The following TMEM156 variants were observed in gnomAD, a reference collection of about 807,000 sequenced individuals.
TMEM156 encodes transmembrane protein 156.
TMEM156 carries 28 observed loss-of-function variants against 30.5 expected under a neutral mutation model. The ratio of observed to expected loss-of-function variants is 0.92; its 90% confidence interval spans 0.68 to 1.26. The LOEUF (loss-of-function observed/expected upper bound fraction) is 1.26, where lower values mean the gene tolerates loss of function less well. Among genes scored for constraint, TMEM156 ranks in the 50% most tolerant of loss-of-function variants. The probability of loss-of-function intolerance (pLI) is 0.00; values close to 1 mark genes in which losing one functional copy is unlikely to be tolerated. For missense variants in TMEM156, 351 were observed against 340.6 expected, an observed-to-expected ratio of 1.03 and a Z score of -0.24; for synonymous variants, 137 against 119.9, an observed-to-expected ratio of 1.14 and a Z score of -0.93.
intron 1 of TMEM156, among the ~76,000 whole-genome samples, chr4:39,019,923 TG>T (rs1714750933): frequency 6.6e-6 from 1 of 152,220 alleles, no homozygotes; most frequent in African/African-American, 2.4e-5. Flanking sequence ...AATGAAATTT[TG>T]TATCCTTTGA....
At chr4:38,993,096 T>G (rs1428043437) in intron 3 of TMEM156, among the ~76,000 whole-genome samples, 3 of 151,902 alleles carry the variant, frequency 2.0e-5, no homozygotes, top group African/African-American at 7.2e-5. Context: ...CTCCCTTTAG[T>G]ACACAAATAT....
intron 1 of TMEM156, among the ~76,000 whole-genome samples, chr4:39,030,577 A>G (rs985260379): frequency 6.6e-6 from 1 of 152,158 alleles, no homozygotes; most frequent in African/African-American, 2.4e-5. Flanking sequence ...TAAAAGAACT[A>G]CATGTCTGCC....
At chr4:39,031,003 G>A (rs1715474921) in intron 1 of TMEM156, among the ~76,000 whole-genome samples, 1 of 152,140 alleles carries the variant, frequency 6.6e-6, no homozygotes, top group African/African-American at 2.4e-5. Flanking sequence ...TCATGTAAAT[G>A]CAACATCAAA....
chr4:38,989,928 G>A (rs1003943688), intron 3 of TMEM156, among the ~76,000 whole-genome samples: 16 of 152,086 alleles, frequency 1.1e-4, no homozygotes, highest in Admixed American at 1.0e-3. Flanking sequence ...GCCTCCGAGG[G>A]GATTACAGGT....
At chr4:38,975,784 C>T (rs373432304) in intron 5 of TMEM156, among the ~76,000 whole-genome samples, 1 of 152,076 alleles carries the variant, frequency 6.6e-6, no homozygotes, top group African/African-American at 2.4e-5. Context: ...TCTCCTTGAG[C>T]GTGGGCAAGA....
At chr4:38,980,941 T>A in intron 5 of TMEM156, 1 of 985,426 alleles carries the variant, frequency 1.0e-6, no homozygotes, top group East Asian at 1.1e-4. Context: ...AATGAATGAC[T>A]GGAATAAATC....
chr4:39,010,302 C>G (rs973917496), intron 1 of TMEM156, among the ~76,000 whole-genome samples: 1 of 152,118 alleles, frequency 6.6e-6, no homozygotes, highest in African/African-American at 2.4e-5. Context: ...TAATCAATAT[C>G]ATTAAAGCAT....
chr4:39,027,229 G>GA (rs1194192906), intron 1 of TMEM156, among the ~76,000 whole-genome samples: 2 of 152,126 alleles, frequency 1.3e-5, no homozygotes, highest in Non-Finnish European at 2.9e-5. Context: ...TTATGAATAA[G>GA]AAAAAGAGCA....
At chr4:38,973,882 G>T (rs1415120651) in intron 5 of TMEM156, among the ~76,000 whole-genome samples, 1 of 152,058 alleles carries the variant, frequency 6.6e-6, no homozygotes, top group African/African-American at 2.4e-5. Context: ...GTATGTATTT[G>T]TCTTATTTTT....
At chr4:38,989,058 T>C (rs1712227743) in intron 3 of TMEM156, 88 bp from the exon 4 acceptor site, 4 of 1,337,404 alleles carry the variant, frequency 3.0e-6, no homozygotes, top group Non-Finnish European at 4.1e-6. Context: ...TTCTACAACA[T>C]ATTCTGCCCT....
intron 1 of TMEM156, among the ~76,000 whole-genome samples, chr4:39,025,929 T>C (rs746195839): frequency 1.3e-5 from 2 of 152,200 alleles, no homozygotes; most frequent in African/African-American, 2.4e-5. Context: ...AGATGAGAAA[T>C]GCCTCCTTCA....
intron 5 of TMEM156, 82 bp downstream of exon 5, chr4:38,986,254 G>T: frequency 1.0e-6 from 1 of 959,952 alleles, no homozygotes; most frequent in Non-Finnish European, 1.7e-6. Context: ...TCAGATCTCA[G>T]ATCTTGAGTT....
chr4:38,976,551 C>A (rs6814637), intron 5 of TMEM156, among the ~76,000 whole-genome samples: 3 of 151,960 alleles, frequency 2.0e-5, no homozygotes, highest in Non-Finnish European at 4.4e-5. Context: ...GCAGAAGATC[C>A]GGTTAAGCCA....
chr4:39,024,018 G>A (rs762477361), intron 1 of TMEM156, among the ~76,000 whole-genome samples: 12 of 152,142 alleles, frequency 7.9e-5, no homozygotes, highest in Non-Finnish European at 1.0e-4. Context: ...AGAGCCAGAG[G>A]AATCTTTTGT....
At chr4:38,967,993 T>C (rs1434863371) in intron 6 of TMEM156, among the ~76,000 whole-genome samples, 1 of 152,230 alleles carries the variant, frequency 6.6e-6, no homozygotes, top group Non-Finnish European at 1.5e-5. Flanking sequence ...CTAGTTTACA[T>C]TCCTACCAGC....
At chr4:38,977,743 C>T (rs1020530117) in intron 5 of TMEM156, among the ~76,000 whole-genome samples, 4 of 152,096 alleles carry the variant, frequency 2.6e-5, no homozygotes, top group Admixed American at 2.0e-4. Flanking sequence ...CTTCAAACAG[C>T]CTTAAAAAAA....
chr4:38,990,531 A>G (rs11944660), intron 3 of TMEM156, among the ~76,000 whole-genome samples: 87,770 of 151,934 alleles, frequency 0.58, 25,664 homozygotes, highest in East Asian at 0.7. Context: ...TATTGCAATA[A>G]CACAAGACAC....
intron 5 of TMEM156, among the ~76,000 whole-genome samples, chr4:38,977,381 C>T (rs1388663416): frequency 1.3e-5 from 2 of 152,142 alleles, no homozygotes; most frequent in African/African-American, 4.8e-5. Flanking sequence ...AAGCGATTGC[C>T]TGTCAAAATG....
intron 5 of TMEM156, among the ~76,000 whole-genome samples, chr4:38,983,642 C>T (rs188503896): frequency 2.6e-5 from 4 of 152,300 alleles, no homozygotes; most frequent in African/African-American, 9.6e-5. Flanking sequence ...TCAAGTGATC[C>T]TCCCACCTCG....
Sources: allele counts gnomAD v4.1 joint callset (sites outside exome capture counted in the v4.1 genomes callset), GRCh38; gene constraint gnomAD v4.1.1; transcripts MANE v1.5; gene names NCBI Gene and HGNC (gene_info 2026-07-23, HGNC 2026-07-21).